RORA: variants seen among roughly 807,000 people sequenced by gnomAD.
RORA encodes nuclear receptor ROR-alpha.
RORA carries 7 observed loss-of-function variants against 69.5 expected under a neutral mutation model. The observed-to-expected ratio is 0.10, with a 90% CI of 0.06 to 0.19. The LOEUF is 0.19. Among genes scored for constraint, RORA ranks in the 10% least tolerant of loss-of-function variants. The probability of loss-of-function intolerance (pLI) is 1.00; values close to 1 mark genes in which losing one functional copy is unlikely to be tolerated. For synonymous variants in RORA, 261 were observed against 240.8 expected, an observed-to-expected ratio of 1.08 and a Z score of -0.78; for missense variants, 457 against 663.0, an observed-to-expected ratio of 0.69 and a Z score of 3.41.
intron 1 of RORA, among the ~76,000 whole-genome samples, chr15:61,176,983 G>A (rs2140899684): frequency 6.6e-6 from 1 of 152,282 alleles, no homozygotes; most frequent in Non-Finnish European, 1.5e-5. Flanking sequence ...GCTCTCATAG[G>A]TCGGGGGAAG....
chr15:61,139,785 GAGAAA>G (rs2079281151), intron 1 of RORA, among the ~76,000 whole-genome samples: 1 of 150,644 alleles, frequency 6.6e-6, no homozygotes, highest in African/African-American at 2.5e-5. Context: ...GATCTGATAG[GAGAAA>G]AGAACCCAAA....
At position 60,516,147 on chromosome 15, in the gene RORA, TTA is replaced by T. The variant is rs1378066948; in HGVS notation, c.283-1392_283-1391del. 1.2e-3 allele frequency among the ~76,000 whole-genome samples: 68 copies of T among 57,760 alleles called. 2 individuals carry two copies. Among genetic ancestry groups the T allele is most frequent in the African/African-American group, 4.5e-3 (62 of 13,686 alleles). 37.9% of individuals were successfully genotyped at this position (57,760 alleles called of 152,430 possible). A position where few individuals can be genotyped will look rare whatever the true frequency, so the allele number is the denominator to read the frequency against. ...TTATATTAAATATATTTATATATATTTATATATATATATTTATATATATATTT... is the reference window on the plus strand; with the variant it reads ...TTATATTAAATATATTTATATATATTTATATATATATTTATATATATATTT... On this transcript the variant is annotated intron_variant, in intron 3 of 10. Transcript: ENST00000335670.
intron 1 of RORA, among the ~76,000 whole-genome samples, chr15:60,769,072 C>T (rs2072032203): frequency 6.6e-6 from 1 of 152,152 alleles, no homozygotes; most frequent in African/African-American, 2.4e-5. Context: ...CGCTAGCGAC[C>T]ACATTTTAGA....
intron 2 of RORA, among the ~76,000 whole-genome samples, chr15:60,573,224 C>G (rs1052627322): frequency 6.6e-6 from 1 of 152,164 alleles, no homozygotes; most frequent in South Asian, 2.1e-4. Flanking sequence ...CTTCTGGCAG[C>G]GTTAAGCCAA....
intron 1 of RORA, among the ~76,000 whole-genome samples, chr15:61,057,256 A>G (rs2078109186): frequency 6.6e-6 from 1 of 152,242 alleles, no homozygotes; most frequent in Non-Finnish European, 1.5e-5. Context: ...GCTCCTATGC[A>G]CTTCATTATA....
chr15:60,874,261 A>G (rs942214959), intron 1 of RORA, among the ~76,000 whole-genome samples: 2 of 152,232 alleles, frequency 1.3e-5, no homozygotes, highest in African/African-American at 2.4e-5. Context: ...TTGAGGGTAT[A>G]GTTGAAGTTA....
intron 1 of RORA, among the ~76,000 whole-genome samples, chr15:60,908,585 T>A (rs866516142): frequency 1.3e-5 from 2 of 152,214 alleles, no homozygotes; most frequent in Admixed American, 6.5e-5. Flanking sequence ...ATTCCTTTTT[T>A]AAACTGTACT....
At chr15:60,838,030 G>A (rs565427595) in intron 1 of RORA, among the ~76,000 whole-genome samples, 54 of 152,242 alleles carry the variant, frequency 3.5e-4, no homozygotes, top group African/African-American at 1.2e-3. Context: ...GAAGAGGAGC[G>A]TAGTGGACCA....
chr15:60,911,219 G>A (rs952687137), intron 1 of RORA, among the ~76,000 whole-genome samples: 2 of 151,620 alleles, frequency 1.3e-5, no homozygotes, highest in Admixed American at 6.6e-5. Context: ...ACAGGCATGA[G>A]CCACTGTGCC....
At chr15:60,819,810 G>C in intron 1 of RORA, among the ~76,000 whole-genome samples, 1 of 141,926 alleles carries the variant, frequency 7.0e-6, no homozygotes, top group Non-Finnish European at 1.5e-5. Context: ...GCTTTTTCAT[G>C]GGTGGAACTC....
At chr15:61,203,717 G>T (rs1264155043) in intron 1 of RORA, among the ~76,000 whole-genome samples, 4 of 152,208 alleles carry the variant, frequency 2.6e-5, no homozygotes, top group Non-Finnish European at 4.4e-5. Context: ...CAAGTCTTGA[G>T]CAGAATAAAT....
chr15:60,755,068 T>C (rs2071778575), intron 1 of RORA, among the ~76,000 whole-genome samples: 1 of 151,460 alleles, frequency 6.6e-6, no homozygotes, highest in Admixed American at 6.6e-5. Flanking sequence ...TGTGCCATGT[T>C]GGTGTGCTGC....
intron 1 of RORA, among the ~76,000 whole-genome samples, chr15:61,219,155 G>A (rs1384578389): frequency 6.6e-6 from 1 of 152,188 alleles, no homozygotes; most frequent in Non-Finnish European, 1.5e-5. Context: ...TAATAAAAAT[G>A]CCCAGTGGGG....
At chr15:61,054,826 GTTTTTTTT>G (rs66846535) in intron 1 of RORA, among the ~76,000 whole-genome samples, 1 of 134,646 alleles carries the variant, frequency 7.4e-6, no homozygotes, top group African/African-American at 2.7e-5. Flanking sequence ...TTTGTTTTTT[GTTTTTTTT>G]TTTTTTGGTG....
chr15:60,873,194 A>G (rs528405771), intron 1 of RORA, among the ~76,000 whole-genome samples: 3 of 150,998 alleles, frequency 2.0e-5, no homozygotes, highest in African/African-American at 4.9e-5. Flanking sequence ...CATCCTCCAC[A>G]CCAGATTGTG....
At chr15:60,908,830 G>A (rs1326399982) in intron 1 of RORA, among the ~76,000 whole-genome samples, 2 of 151,582 alleles carry the variant, frequency 1.3e-5, no homozygotes, top group African/African-American at 4.9e-5. Context: ...CATGCTGCTT[G>A]GTATACTGAA....
intron 1 of RORA, among the ~76,000 whole-genome samples, chr15:61,143,044 G>T (rs369948513): frequency 6.6e-6 from 1 of 152,084 alleles, no homozygotes; most frequent in South Asian, 2.1e-4. Flanking sequence ...ATTAGAAAGA[G>T]ACAAAATTAT....
intron 1 of RORA, among the ~76,000 whole-genome samples, chr15:60,802,199 G>A (rs984318711): frequency 6.6e-6 from 1 of 152,194 alleles, no homozygotes; most frequent in Admixed American, 6.5e-5. Flanking sequence ...ACAAGGACAG[G>A]CTACATGATC....
chr15:61,185,657 C>G (rs2079734254), intron 1 of RORA, among the ~76,000 whole-genome samples: 1 of 152,204 alleles, frequency 6.6e-6, no homozygotes, highest in East Asian at 1.9e-4. Context: ...GATCATGCAA[C>G]AACTGAAATA....
Sources: allele counts gnomAD v4.1 joint callset (sites outside exome capture counted in the v4.1 genomes callset), GRCh38; gene constraint gnomAD v4.1.1; transcripts MANE v1.5; gene names NCBI Gene and HGNC (gene_info 2026-07-23, HGNC 2026-07-21).